The following CALN1 variants were observed in gnomAD, a reference collection of about 807,000 sequenced individuals.
CALN1 encodes the protein calneuron 1, also known as calcium-binding protein 8.
CALN1 carries 17 observed loss-of-function variants against 30.6 expected under a neutral mutation model. The ratio of observed to expected loss-of-function variants is 0.56; its 90% CI spans 0.38 to 0.83. CALN1 has a LOEUF of 0.83. Among genes scored for constraint, CALN1 ranks in the 40% least tolerant of loss-of-function variants. The probability of loss-of-function intolerance (pLI) is 0.00; values close to 1 mark genes in which losing one functional copy is unlikely to be tolerated. For synonymous variants in CALN1, 156 were observed against 131.4 expected (o/e 1.19, Z -1.28); for missense variants, 291 against 354.9 (o/e 0.82, Z 1.45).
chr7:72,041,949 G>A (rs1003609670), intron 4 of CALN1, among the ~76,000 whole-genome samples: 2 of 152,132 alleles, frequency 1.3e-5, no homozygotes, highest in African/African-American at 4.8e-5. Context: ...GGAACTATGA[G>A]TCCATTAAAG....
At chr7:71,810,270 C>T in intron 6 of CALN1, 66 bp downstream of exon 6, 1 of 1,530,038 alleles carries the variant, frequency 6.5e-7, no homozygotes, top group Non-Finnish European at 8.9e-7. Context: ...ACGCATTTTT[C>T]ATATAGAGAG....
chr7:72,173,324 AAT>A (rs148899936), intron 3 of CALN1, among the ~76,000 whole-genome samples: 2 of 151,460 alleles, frequency 1.3e-5, no homozygotes, highest in Non-Finnish European at 1.5e-5. Flanking sequence ...GACCTAAATG[AAT>A]ATATATATAT....
intron 3 of CALN1, among the ~76,000 whole-genome samples, chr7:72,212,580 G>A (rs947518931): frequency 2.7e-5 from 4 of 150,878 alleles, no homozygotes; most frequent in Non-Finnish European, 4.4e-5. Flanking sequence ...AGTGCTTTAG[G>A]AGGCTGACAG....
chr7:72,332,810 C>T (rs1801762933), intron 2 of CALN1, among the ~76,000 whole-genome samples: 1 of 152,118 alleles, frequency 6.6e-6, no homozygotes, highest in Non-Finnish European at 1.5e-5. Flanking sequence ...CAAATTCATC[C>T]CATCTTCTCC....
chr7:72,024,895 A>G (rs1293392478), intron 4 of CALN1, among the ~76,000 whole-genome samples: 1 of 152,132 alleles, frequency 6.6e-6, no homozygotes, highest in African/African-American at 2.4e-5. Context: ...CTCTTTCTCT[A>G]AGACGGAGCT....
At chr7:72,390,062 G>A (rs956946736) in intron 2 of CALN1, among the ~76,000 whole-genome samples, 27 of 152,084 alleles carry the variant, frequency 1.8e-4, no homozygotes, top group African/African-American at 5.8e-4. Context: ...CTGGGTGGGA[G>A]ACCAGGTTGG....
At chr7:72,329,801 C>G (rs1801538087) in intron 2 of CALN1, among the ~76,000 whole-genome samples, 1 of 151,064 alleles carries the variant, frequency 6.6e-6, no homozygotes, top group African/African-American at 2.4e-5. Context: ...TAAAAATCCA[C>G]AAATTAGCTG....
rs1584543788 is a variant in CALN1, at chr7:71,933,493, T to C, written c.501+90164A>G. ...CTCCTAAACTCCTCATGTGTGTCCA[T>C]GTCCTAAATTTTCTTGGCGCAAGAT... is the stretch of plus-strand genomic sequence containing the variant. On this transcript the variant is annotated intron_variant, in intron 5 of 6. Transcript: ENST00000395275. Among the ~76,000 whole-genome samples the C allele has an allele frequency of 2.0e-5, 3 of 152,272 alleles. No individual in the cohort carries two copies. The South Asian group carries it at 6.2e-4, about 32-fold the overall frequency.
intron 6 of CALN1, among the ~76,000 whole-genome samples, chr7:71,808,040 C>T (rs1787722312): frequency 6.6e-6 from 1 of 152,246 alleles, no homozygotes; most frequent in African/African-American, 2.4e-5. Context: ...CGCCACTGCA[C>T]TCCAGCCTGG....
chr7:71,849,833 A>G (rs1212820246), intron 5 of CALN1, among the ~76,000 whole-genome samples: 1 of 152,050 alleles, frequency 6.6e-6, no homozygotes, highest in African/African-American at 2.4e-5. Context: ...GATAGGGTCT[A>G]TGATGCCCAG....
chr7:72,078,833 G>C (rs1804926015), intron 4 of CALN1, among the ~76,000 whole-genome samples: 1 of 152,206 alleles, frequency 6.6e-6, no homozygotes, highest in South Asian at 2.1e-4. Context: ...CTACTTGGGA[G>C]GCTGAGGCAG....
At chr7:72,212,770 T>G (rs74418689) in intron 3 of CALN1, among the ~76,000 whole-genome samples, 3,234 of 152,244 alleles carry the variant, frequency 0.021, 111 homozygotes, top group African/African-American at 0.071. Context: ...GTTATGATTA[T>G]ACCACTGCAC....
intron 5 of CALN1, among the ~76,000 whole-genome samples, chr7:71,849,988 C>T (rs977471060): frequency 6.6e-6 from 1 of 152,178 alleles, no homozygotes; most frequent in African/African-American, 2.4e-5. Flanking sequence ...TGAAAATGTG[C>T]ATGGCCTACA....
intron 5 of CALN1, among the ~76,000 whole-genome samples, chr7:71,830,146 T>C (rs1177253252): frequency 2.8e-5 from 4 of 143,270 alleles, no homozygotes; most frequent in Non-Finnish European, 4.6e-5. Context: ...CAGGTTCAAG[T>C]GATTCTCCTG....
chr7:72,407,874 A>T (rs573855833), intron 1 of CALN1, among the ~76,000 whole-genome samples: 4 of 152,224 alleles, frequency 2.6e-5, no homozygotes, highest in East Asian at 1.9e-4. Context: ...GAGCTCAGAG[A>T]GTCAAGCTGG....
At chr7:72,280,212 G>A (rs1797644431) in intron 2 of CALN1, among the ~76,000 whole-genome samples, 1 of 152,144 alleles carries the variant, frequency 6.6e-6, no homozygotes, top group South Asian at 2.1e-4. Context: ...TATCAAAGGT[G>A]CTTTTCGCTC....
At chr7:72,455,319 ATATGTG>A in the CALN1 span, among the ~76,000 whole-genome samples, 44 of 132,454 alleles carry the variant, frequency 3.3e-4, no homozygotes, top group African/African-American at 1.1e-3. Context: ...ATATATATAT[ATATGTG>A]TGTGTGTGTG....
chr7:71,823,459 C>G (rs1788712493), intron 5 of CALN1, among the ~76,000 whole-genome samples: 1 of 152,220 alleles, frequency 6.6e-6, no homozygotes, highest in Non-Finnish European at 1.5e-5. Context: ...GTGGCTCACG[C>G]CTGTAATCCC....
intron 5 of CALN1, among the ~76,000 whole-genome samples, chr7:71,812,753 A>G (rs1034954837): frequency 6.6e-6 from 1 of 151,280 alleles, no homozygotes; most frequent in Non-Finnish European, 1.5e-5. Context: ...TTCTAGTTCT[A>G]TTTTTTTAGA....
Sources: gnomAD v4.1 joint callset for allele counts (sites outside exome capture counted in the v4.1 genomes callset) on GRCh38, gnomAD v4.1.1 for gene constraint, MANE v1.5 for transcripts, NCBI Gene and HGNC (gene_info 2026-07-23, HGNC 2026-07-21) for gene names.